Variants in CENPI observed in about 807,000 individuals in gnomAD.
CENPI encodes the protein centromere protein I.
Under a neutral mutation model 60.4 loss-of-function variants are expected in CENPI, and 4 were observed. The ratio of observed to expected loss-of-function variants is 0.07; its 90% CI spans 0.03 to 0.15. The LOEUF (loss-of-function observed/expected upper bound fraction) is 0.15, where lower values mean the gene tolerates loss of function less well. Among genes scored for constraint, CENPI ranks in the 10% least tolerant of loss-of-function variants. CENPI has a pLI of 1.00. For missense variants in CENPI, 444 were observed against 534.5 expected, an observed-to-expected ratio of 0.83 and a Z score of 1.67; for synonymous variants, 157 against 189.4, an observed-to-expected ratio of 0.83 and a Z score of 1.40.
chrX:101,107,060 C>CA lies in CENPI; in HGVS notation c.365-2392dup, dbSNP rs777807842. 4.7e-3 allele frequency among the ~76,000 whole-genome samples: 294 copies of CA among 62,098 alleles called. 1 individual carries two copies. Among genetic ancestry groups the CA allele is most frequent in the African/African-American group, 8.8e-3 (146 of 16,679 alleles). The allele number at this position is 62,098 out of a possible 115,157, so 53.9% of individuals were successfully genotyped here. Reference sequence around the variant, plus strand: ...TGGGTGACAGAGTCAGACCCTGTCTCAAAAAAAAAAAAAAAAAAAAAGAAT... The same window carrying CA: ...TGGGTGACAGAGTCAGACCCTGTCTCAAAAAAAAAAAAAAAAAAAAAAGAAT... On this transcript the variant is annotated intron_variant, in intron 4 of 21. Transcript: ENST00000682095.
At chrX:101,128,625 C>T (rs2089761860) in intron 11 of CENPI, 91 bp from the exon 12 acceptor site, 7 of 972,804 alleles carry the variant, frequency 7.2e-6, no homozygotes, top group Middle Eastern at 3.5e-4. Flanking sequence ...CCACCATGCC[C>T]AGCCTATTTT....
chrX:101,121,585 G>C (rs780164141), intron 8 of CENPI, among the ~76,000 whole-genome samples: 1 of 110,056 alleles, frequency 9.1e-6, no homozygotes. Flanking sequence ...CACTGCACCC[G>C]GCCTGCTTGA....
intron 21 of CENPI, among the ~76,000 whole-genome samples, chrX:101,162,448 C>T (rs2090116648): frequency 1.6e-5 from 1 of 64,278 alleles, no homozygotes; most frequent in Non-Finnish European, 2.7e-5. Flanking sequence ...AGAGCAAAAC[C>T]GTATCTCAAA....
chrX:101,148,843 GAAA>G (rs940962831), intron 20 of CENPI, among the ~76,000 whole-genome samples: 5 of 110,580 alleles, frequency 4.5e-5, no homozygotes, highest in African/African-American at 1.3e-4. Context: ...CTAACAAAAT[GAAA>G]AAAAAGTGTG....
chrX:101,148,270 A>T (rs368042718), intron 20 of CENPI, 109 bp downstream of exon 20: 33 of 670,356 alleles, frequency 4.9e-5, no homozygotes, highest in African/African-American at 2.2e-4. Context: ...GTGTTTAGTA[A>T]TTTTTTTTAA....
chrX:101,148,144 G>A lies in CENPI; in HGVS notation c.2077G>A (p.Val693Ile), dbSNP rs778537006. 13 of 1,194,942 alleles carry A rather than the reference G, an allele frequency of 1.1e-5. No homozygotes were observed. In the African/African-American group the frequency reaches 2.0e-4, roughly 18 times the overall value. The stretch of plus-strand genomic sequence containing the variant: ...TCATCCTTCTTTCTTGAGTTACGCT[G>A]TTTCCTTTTTGCTACAGGTAAGGGT... The part of the protein sequence containing the change: ...VHHPSFLSYA[V>I]SFLLQESPEE... Residue 693 changes from valine (V) to isoleucine (I), a missense_variant, in exon 20 of 22, where the codon GTT (valine) becomes ATT (isoleucine). Coordinates refer to ENST00000682095, the MANE Select transcript of CENPI (RefSeq NM_001386188.2).
intron 7 of CENPI, 97 bp from the exon 8 acceptor site, chrX:101,120,641 A>G (rs1344366376): frequency 2.4e-6 from 2 of 821,953 alleles, no homozygotes; most frequent in South Asian, 2.4e-5. Context: ...ATATGTTACA[A>G]GAAGAAACTG....
intron 6 of CENPI, among the ~76,000 whole-genome samples, chrX:101,119,713 CA>C (rs1366807025): frequency 1.8e-5 from 2 of 112,079 alleles, no homozygotes; most frequent in African/African-American, 6.5e-5. Context: ...TACTGTTTGC[CA>C]AACTGAAGAC....
the CENPI span, among the ~76,000 whole-genome samples, chrX:101,174,356 A>T: frequency 8.9e-6 from 1 of 112,103 alleles, no homozygotes; most frequent in Non-Finnish European, 1.9e-5. Context: ...TACCAAAAAA[A>T]CACATGCACT....
intron 21 of CENPI, 149 bp from the exon 22 acceptor site, chrX:101,162,684 T>G (rs2090121739): frequency 1.8e-6 from 1 of 562,280 alleles, no homozygotes; most frequent in Non-Finnish European, 2.8e-6. Context: ...GTTTAAATGT[T>G]ACTTAGTGAC....
intron 7 of CENPI, 113 bp downstream of exon 7, chrX:101,120,563 G>A: frequency 1.7e-6 from 1 of 602,383 alleles, no homozygotes; most frequent in Non-Finnish European, 2.6e-6. Flanking sequence ...TCATTTTGTG[G>A]AAATTGCTTT....
chrX:101,141,711 T>C (rs916380110), intron 16 of CENPI, among the ~76,000 whole-genome samples: 9 of 110,790 alleles, frequency 8.1e-5, no homozygotes, highest in Non-Finnish European at 1.5e-4. Flanking sequence ...ACATTAAGAA[T>C]AGTACGTTTG....
At chrX:101,181,548 G>A in the CENPI span, among the ~76,000 whole-genome samples, 1 of 111,561 alleles carries the variant, frequency 9.0e-6, no homozygotes, top group East Asian at 2.8e-4. Context: ...TATTATTTTC[G>A]ATGCTATTAC....
At chrX:101,160,375 C>CTTTTTTTTTTTTTTT (rs763855508) in intron 20 of CENPI, among the ~76,000 whole-genome samples, 2 of 81,425 alleles carry the variant, frequency 2.5e-5, no homozygotes, top group Non-Finnish European at 4.7e-5. Context: ...GCTTTTAGTT[C>CTTTTTTTTTTTTTTT]TTTTTTTTTT....
the CENPI span, among the ~76,000 whole-genome samples, chrX:101,178,398 C>CTTCTTTTTTTTTTTTTTTTT: frequency 2.5e-4 from 10 of 39,976 alleles, 1 homozygote; most frequent in Non-Finnish European, 3.3e-4. Context: ...TTTTCTTCTT[C>CTTCTTTTTTTTTTTTTTTTT]TTTTTTTTTT....
chrX:101,101,210 A>C lies in CENPI; in HGVS notation c.140A>C (p.Gln47Pro), dbSNP rs2089411822. 9 of 1,208,965 alleles carry C rather than the reference A, an allele frequency of 7.4e-6. No homozygotes were observed. The highest frequency in any genetic ancestry group is 7.8e-6 in the Non-Finnish European group (7 of 894,282). Reference sequence around the variant, plus strand: ...TCGAAGAACATCTCAAAACATGGACAAAACAATCCAGTGGGAGATTATGAA... The same window carrying C: ...TCGAAGAACATCTCAAAACATGGACCAAACAATCCAGTGGGAGATTATGAA... ...SNSKNISKHG[Q>P]NNPVGDYEHA... Residue 47 changes from glutamine to proline, a missense_variant, in exon 3 of 22, where the codon CAA becomes CCA. Physicochemically the swap from Gln to Pro is moderately conservative, Grantham distance 76. Transcript: ENST00000682095.
chrX:101,137,211 C>T (rs1344707166), intron 15 of CENPI, among the ~76,000 whole-genome samples: 1 of 112,454 alleles, frequency 8.9e-6, no homozygotes, highest in Non-Finnish European at 1.9e-5. Flanking sequence ...CTATACCTGG[C>T]CTCTATTATT....
intron 21 of CENPI, among the ~76,000 whole-genome samples, chrX:101,162,449 G>A (rs1283807021): frequency 1.8e-5 from 1 of 54,140 alleles, no homozygotes; most frequent in East Asian, 4.6e-4. Flanking sequence ...GAGCAAAACC[G>A]TATCTCAAAA....
chrX:101,105,353 TCTCTCCTA>T (rs2089471215), intron 4 of CENPI, among the ~76,000 whole-genome samples: 1 of 110,200 alleles, frequency 9.1e-6, no homozygotes, highest in Admixed American at 9.9e-5. Context: ...TGAAACCCCG[TCTCTCCTA>T]AAAATACAAA....
Sources: allele counts gnomAD v4.1 joint callset (sites outside exome capture counted in the v4.1 genomes callset), GRCh38; gene constraint gnomAD v4.1.1; transcripts MANE v1.5; gene names NCBI Gene and HGNC (gene_info 2026-07-23, HGNC 2026-07-21).